RASSF3: variants seen among roughly 807,000 people sequenced by gnomAD.
RASSF3 encodes the protein Ras association domain family member 3, also known as ras association domain-containing protein 3.
Under a neutral mutation model 19.9 loss-of-function variants are expected in RASSF3, and 19 were observed. That is an observed-to-expected ratio of 0.96 (90% CI 0.67 to 1.40). The LOEUF (loss-of-function observed/expected upper bound fraction) is 1.40. Among genes scored for constraint, RASSF3 ranks in the 40% most tolerant of loss-of-function variants. The probability of loss-of-function intolerance (pLI) is 0.00; values close to 1 mark genes in which losing one functional copy is unlikely to be tolerated. For missense variants in RASSF3, 306 were observed against 289.8 expected, an observed-to-expected ratio of 1.06 and a Z score of -0.41; for synonymous variants, 110 against 104.2, an observed-to-expected ratio of 1.06 and a Z score of -0.34.
intron 1 of RASSF3, among the ~76,000 whole-genome samples, chr12:64,640,811 T>G (rs1871489488): frequency 6.6e-6 from 1 of 151,892 alleles, no homozygotes; most frequent in Admixed American, 6.6e-5. Context: ...CCCAGCTAAT[T>G]ATTATTATTT....
intron 1 of RASSF3, among the ~76,000 whole-genome samples, chr12:64,508,644 G>A (rs1038373658): frequency 3.2e-4 from 48 of 152,248 alleles, no homozygotes; most frequent in African/African-American, 1.1e-3. Flanking sequence ...CAGCACTTTG[G>A]GAGGCCGAGG....
chr12:64,529,885 A>G (rs1341210844), upstream of RASSF3, among the ~76,000 whole-genome samples: 1 of 152,222 alleles, frequency 6.6e-6, no homozygotes, highest in East Asian at 1.9e-4. Flanking sequence ...CAGAGGACTC[A>G]GTCATCATAT....
rs1036160826 is a variant in RASSF3 at position 64,688,299 on chromosome 12, A to C, written c.303A>C (p.Lys101Asn). ...CACAGACTTCTCCAAATTCTGGAAA[A>C]CTCTCTCCCAGTAGCAATGGCTGTA... ...KPPQTSPNSG[K>N]LSPSSNGCMN... Residue 101 changes from lysine to asparagine, a missense_variant, in exon 3 of 5, where the codon AAA (lysine) becomes AAC (asparagine). Coordinates refer to ENST00000542104, the MANE Select transcript of RASSF3 (RefSeq NM_178169.4). 1.1e-5 allele frequency: 17 copies of C among 1,613,904 alleles called. No homozygotes were observed. Among genetic ancestry groups the C allele is most frequent in the Non-Finnish European group, 1.4e-5 (17 of 1,179,960 alleles).
intron 1 of RASSF3, among the ~76,000 whole-genome samples, 176 bp from the exon 2 acceptor site, chr12:64,684,611 A>T (rs1039277712): frequency 6.6e-6 from 1 of 151,626 alleles, no homozygotes; most frequent in Non-Finnish European, 1.5e-5. Flanking sequence ...TCGTAATTTT[A>T]GTAGAGACAG....
At chr12:64,531,836 AGG>A (rs1406788028), upstream of RASSF3, among the ~76,000 whole-genome samples, 1 of 152,212 alleles carries the variant, frequency 6.6e-6, no homozygotes, top group Non-Finnish European at 1.5e-5. Flanking sequence ...CCCAGATCAC[AGG>A]GCTGGTAAGT....
At chr12:64,664,150 G>A (rs534383905) in intron 1 of RASSF3, among the ~76,000 whole-genome samples, 14 of 152,098 alleles carry the variant, frequency 9.2e-5, no homozygotes, top group Middle Eastern at 3.4e-3. Flanking sequence ...TTCATTCTCC[G>A]TTCCTGGTCA....
At chr12:64,670,370 GT>G (rs113065463) in intron 1 of RASSF3, among the ~76,000 whole-genome samples, 41,918 of 143,688 alleles carry the variant, frequency 0.29, 6,436 homozygotes, top group Non-Finnish European at 0.36. Context: ...AGATTTTACT[GT>G]TTTTTTTTTT....
chr12:64,634,608 A>T (rs1871269346), intron 1 of RASSF3, among the ~76,000 whole-genome samples: 1 of 152,052 alleles, frequency 6.6e-6, no homozygotes, highest in African/African-American at 2.4e-5. Context: ...ATTTTAGCAG[A>T]ATTCTAGCCC....
chr12:64,604,805 T>G (rs1870158791), intron 2 of RASSF3, among the ~76,000 whole-genome samples: 1 of 151,066 alleles, frequency 6.6e-6, no homozygotes, highest in African/African-American at 2.4e-5. Context: ...GCCCAGCTAA[T>G]TTTTTGTATT....
chr12:64,547,763 T>G (rs1163239175), intron 2 of RASSF3, among the ~76,000 whole-genome samples: 1 of 152,230 alleles, frequency 6.6e-6, no homozygotes, highest in African/African-American at 2.4e-5. Context: ...AATCAAATTC[T>G]TCCCCCCCAC....
upstream of RASSF3, among the ~76,000 whole-genome samples, chr12:64,607,567 G>T (rs938948530): frequency 3.3e-5 from 5 of 151,916 alleles, no homozygotes; most frequent in African/African-American, 1.2e-4. Flanking sequence ...AGAGATGGGG[G>T]TTTCACCATG....
At chr12:64,577,873 G>A (rs1205803997) in intron 2 of RASSF3, among the ~76,000 whole-genome samples, 1 of 152,072 alleles carries the variant, frequency 6.6e-6, no homozygotes, top group East Asian at 1.9e-4. Flanking sequence ...ATGCGAAGAT[G>A]TCTCAATCAT....
At chr12:64,620,647 G>A (rs1870722199) in intron 1 of RASSF3, among the ~76,000 whole-genome samples, 2 of 152,154 alleles carry the variant, frequency 1.3e-5, no homozygotes. Context: ...ATTGGAAAAT[G>A]TGGAGGTTTC....
At chr12:64,625,894 C>G (rs1475276787) in intron 1 of RASSF3, among the ~76,000 whole-genome samples, 1 of 152,170 alleles carries the variant, frequency 6.6e-6, no homozygotes. Context: ...GCCGACTCTT[C>G]AGAGTTCGTT....
At chr12:64,602,968 A>G (rs1565847206) in intron 2 of RASSF3, among the ~76,000 whole-genome samples, 2 of 151,902 alleles carry the variant, frequency 1.3e-5, no homozygotes, top group African/African-American at 2.4e-5. Context: ...GCGTGGTGGC[A>G]GGCACCTGTA....
At chr12:64,671,117 CT>C (rs1872688986) in intron 1 of RASSF3, among the ~76,000 whole-genome samples, 1 of 152,200 alleles carries the variant, frequency 6.6e-6, no homozygotes, top group South Asian at 2.1e-4. Flanking sequence ...GGGACTCTCC[CT>C]TTGCCCCATC....
At chr12:64,651,313 A>C (rs1871945268) in intron 1 of RASSF3, among the ~76,000 whole-genome samples, 1 of 152,190 alleles carries the variant, frequency 6.6e-6, no homozygotes, top group South Asian at 2.1e-4. Context: ...GGAGATGCGT[A>C]TGTTAACATA....
chr12:64,647,503 C>T (rs1469753977), intron 1 of RASSF3, among the ~76,000 whole-genome samples: 9 of 151,580 alleles, frequency 5.9e-5, no homozygotes, highest in African/African-American at 1.7e-4. Context: ...CTCCGCCTCC[C>T]GATTTCAAGT....
At chr12:64,633,246 T>C (rs1871222935) in intron 1 of RASSF3, among the ~76,000 whole-genome samples, 1 of 152,208 alleles carries the variant, frequency 6.6e-6, no homozygotes, top group Non-Finnish European at 1.5e-5. Context: ...TTGACACCAG[T>C]GGATACTGAT....
Sources: gnomAD v4.1 joint callset for allele counts (sites outside exome capture counted in the v4.1 genomes callset) on GRCh38, gnomAD v4.1.1 for gene constraint, MANE v1.5 for transcripts, NCBI Gene and HGNC (gene_info 2026-07-23, HGNC 2026-07-21) for gene names.